The following MPHOSPH8 variants were observed in gnomAD, a reference collection of about 807,000 sequenced individuals.
MPHOSPH8 encodes the protein M-phase phosphoprotein, mpp.
Under a neutral mutation model 87.3 loss-of-function variants are expected in MPHOSPH8, and 45 were observed. The observed-to-expected ratio is 0.52, with a 90% CI of 0.41 to 0.66. The LOEUF (loss-of-function observed/expected upper bound fraction) is 0.66. Ranked by LOEUF, MPHOSPH8 falls within the 30% of genes least tolerant of loss-of-function variation. The probability of loss-of-function intolerance (pLI) is 0.00; values close to 1 mark genes in which losing one functional copy is unlikely to be tolerated. For missense variants in MPHOSPH8, 883 were observed against 1,020.2 expected (o/e 0.87, Z 1.83); for synonymous variants, 366 against 376.9 (o/e 0.97, Z 0.33).
At chr13:19,655,837 C>G (rs532243504) in intron 5 of MPHOSPH8, among the ~76,000 whole-genome samples, 5 of 152,276 alleles carry the variant, frequency 3.3e-5, no homozygotes, top group Middle Eastern at 6.8e-3. Flanking sequence ...TAGCTGTCAC[C>G]CAGGCGGGAT....
rs192210814 is a variant in MPHOSPH8, at chr13:19,668,349, G to A, written c.2175-28G>A. 9.4e-5 allele frequency: 151 copies of A among 1,603,454 alleles called. No homozygotes were observed. In the Middle Eastern group the frequency reaches 1.1e-3, roughly 11 times the overall value. On this transcript the variant is annotated intron_variant, in intron 10 of 13. Transcript: ENST00000361479. ...GCTTGTGGTTCTTTTCTACATTAAC[G>A]TTAACACGTACTATTTTTTTTTCTT...
chr13:19,659,537 A>G, intron 7 of MPHOSPH8: 1 of 425,776 alleles, frequency 2.3e-6, no homozygotes, highest in East Asian at 5.0e-5. Flanking sequence ...GGTGGTGTAC[A>G]CCTTTGGTCC....
At chr13:19,635,676 A>G (rs1183155187) in intron 1 of MPHOSPH8, among the ~76,000 whole-genome samples, 1 of 152,214 alleles carries the variant, frequency 6.6e-6, no homozygotes, top group Non-Finnish European at 1.5e-5. Flanking sequence ...TGAAACTAAG[A>G]AACTTATTTG....
rs1225470965 is a variant in MPHOSPH8, at chr13:19,666,576, A to G, written c.2171A>G (p.Glu724Gly). The G allele has an allele frequency of 4.4e-6, 7 of 1,577,478 alleles. No homozygotes were observed. The East Asian group carries it at 1.6e-4, about 36-fold the overall frequency. Residue 724 changes from glutamate to glycine, a missense_variant, in exon 10 of 14, where the codon GAG (glutamate) becomes GGG (glycine). This residue lies in a region of MPHOSPH8 where 741 missense variants were observed against 841.5 expected (regional missense o/e 0.88). Transcript: ENST00000361479. ...TACGACTTGCTGAAGAACCATTTAG[A>G]GACGTAAGTGAGAAGCGACTGTGCC... ...LVYDLLKNHL[E>G]TLSRVAEETI... is the part of the protein sequence containing the mutation.
intron 2 of MPHOSPH8, among the ~76,000 whole-genome samples, chr13:19,643,449 A>G (rs959357428): frequency 6.6e-6 from 1 of 151,724 alleles, no homozygotes; most frequent in African/African-American, 2.4e-5. Context: ...GTCTCTCTCT[A>G]TTGATCAGGC....
At chr13:19,648,298 A>G (rs1479684580) in intron 3 of MPHOSPH8, 124 bp from the exon 4 acceptor site, 1 of 488,656 alleles carries the variant, frequency 2.0e-6, no homozygotes, top group East Asian at 3.7e-5. Context: ...ATGATCAGTT[A>G]TCATGTACCA....
intron 5 of MPHOSPH8, among the ~76,000 whole-genome samples, chr13:19,651,395 T>C (rs537102022): frequency 3.2e-4 from 48 of 152,018 alleles, no homozygotes; most frequent in Non-Finnish European, 6.0e-4. Context: ...GGCGTGGCAG[T>C]GTGCACCTGT....
At chr13:19,636,173 T>G (rs2035408776) in intron 1 of MPHOSPH8, among the ~76,000 whole-genome samples, 1 of 152,208 alleles carries the variant, frequency 6.6e-6, no homozygotes, top group African/African-American at 2.4e-5. Flanking sequence ...ACAGGACTAT[T>G]GCAGTTTTCT....
intron 1 of MPHOSPH8, among the ~76,000 whole-genome samples, chr13:19,641,542 G>A (rs1470620475): frequency 1.5e-5 from 2 of 136,312 alleles, no homozygotes; most frequent in African/African-American, 2.9e-5. Context: ...TCAAGCTGGA[G>A]TGCAATGGCG....
At position 19,673,188 on chromosome 13, in the gene MPHOSPH8, C is replaced by T. The variant is rs1217792282; in HGVS notation, c.*1313C>T. ...TTAGGTAACAGCCAAACCTGGCTGT[C>T]AGCTGTGTGGGAGCCACCACCCTCT... On this transcript the variant is annotated 3_prime_UTR_variant, in exon 14 of 14. Transcript: ENST00000361479. 15 of 446,252 alleles carry T rather than the reference C, an allele frequency of 3.4e-5. No homozygotes were observed. Among genetic ancestry groups the T allele is most frequent in the Non-Finnish European group, 6.7e-5 (15 of 224,550 alleles). The allele number at this position is 446,252 out of a possible 1,614,324, so 27.6% of individuals were successfully genotyped here. A position where few individuals can be genotyped will look rare whatever the true frequency, so the allele number is the denominator to read the frequency against.
intron 5 of MPHOSPH8, among the ~76,000 whole-genome samples, chr13:19,657,095 C>A (rs569744207): frequency 8.8e-6 from 1 of 113,418 alleles, no homozygotes; most frequent in African/African-American, 3.5e-5. Context: ...GCACTCCAGC[C>A]TGGGCAACAG....
chr13:19,671,345 CT>C (rs1413612931), intron 13 of MPHOSPH8, 56 bp downstream of exon 13: 1 of 1,498,334 alleles, frequency 6.7e-7, no homozygotes, highest in African/African-American at 1.4e-5. Context: ...CTCCAGATTA[CT>C]TTATCAACAT....
In MPHOSPH8 at chr13:19,663,171, G is replaced by A. The variant is rs374395168; in HGVS notation, c.2019+45G>A. The A allele has an allele frequency of 4.6e-5, 70 of 1,529,010 alleles. 1 individual carries two copies. In the Middle Eastern group the frequency reaches 3.9e-3, roughly 85 times the overall value. The allele number at this position is 1,529,010 out of a possible 1,614,324, so 94.7% of individuals were successfully genotyped here. On this transcript the variant is annotated intron_variant, in intron 9 of 13. Coordinates refer to ENST00000361479, the MANE Select transcript of MPHOSPH8 (RefSeq NM_017520.4). ...CATCCCTTTCTTCACTACGTTGGCA[G>A]GTGCTCGTGTTGGCATCTGCCACTG... is the stretch of plus-strand genomic sequence containing the variant.
chr13:19,667,788 G>A (rs1227573472), intron 10 of MPHOSPH8, among the ~76,000 whole-genome samples: 1 of 151,980 alleles, frequency 6.6e-6, no homozygotes, highest in Non-Finnish European at 1.5e-5. Context: ...TTATTTTATT[G>A]CAGGTTCATA....
intron 1 of MPHOSPH8, among the ~76,000 whole-genome samples, chr13:19,640,234 G>A (rs1874218213): frequency 6.6e-6 from 1 of 152,132 alleles, no homozygotes; most frequent in African/African-American, 2.4e-5. Context: ...TCTATAAAAT[G>A]GGTAATACTA....
intron 1 of MPHOSPH8, among the ~76,000 whole-genome samples, chr13:19,636,509 T>G (rs1467452007): frequency 6.6e-6 from 1 of 151,796 alleles, no homozygotes; most frequent in East Asian, 1.9e-4. Flanking sequence ...TTGAGACAGA[T>G]TCTCTGTTGC....
At chr13:19,671,112 A>C in intron 12 of MPHOSPH8, 94 bp from the exon 13 acceptor site, 1 of 1,507,364 alleles carries the variant, frequency 6.6e-7, no homozygotes, top group Non-Finnish European at 8.8e-7. Context: ...ATAAAAAATA[A>C]AACTTATTTA....
At chr13:19,651,189 T>G (rs978080050) in intron 5 of MPHOSPH8, among the ~76,000 whole-genome samples, 1 of 152,172 alleles carries the variant, frequency 6.6e-6, no homozygotes, top group Admixed American at 6.5e-5. Flanking sequence ...TGTGTACAGA[T>G]TTAAAAGATG....
intron 7 of MPHOSPH8, chr13:19,661,031 G>C: frequency 3.3e-6 from 3 of 908,916 alleles, no homozygotes; most frequent in Non-Finnish European, 3.9e-6. Context: ...GCTGTGGCAG[G>C]AGGAATGCTT....
Sources: gnomAD v4.1 joint callset for allele counts (sites outside exome capture counted in the v4.1 genomes callset) on GRCh38, gnomAD v4.1.1 for gene constraint, gnomAD v4.1.1 regional missense constraint, MANE v1.5 for transcripts, NCBI Gene and HGNC (gene_info 2026-07-23, HGNC 2026-07-21) for gene names.